Variants in RASAL2 observed in about 807,000 individuals in gnomAD.
The protein encoded by RASAL2 is RAS protein activator like 2.
RASAL2 carries 58 observed loss-of-function variants against 128.9 expected under a neutral mutation model. That is an observed-to-expected ratio of 0.45 (90% CI 0.36 to 0.56). RASAL2 has a LOEUF of 0.56. Among genes scored for constraint, RASAL2 ranks in the 20% least tolerant of loss-of-function variants. RASAL2 has a pLI of 0.00. For synonymous variants in RASAL2, 561 were observed against 580.8 expected (o/e 0.97, Z 0.49); for missense variants, 1,360 against 1,601.6 (o/e 0.85, Z 2.57).
chr1:178,260,246 G>A (rs1665610312), intron 1 of RASAL2, among the ~76,000 whole-genome samples: 1 of 148,484 alleles, frequency 6.7e-6, no homozygotes, highest in Non-Finnish European at 1.5e-5. Context: ...CCAGCCACTT[G>A]GGAGGCTGAG....
At chr1:178,389,547 C>T (rs1380023640) in intron 3 of RASAL2, among the ~76,000 whole-genome samples, 1 of 152,126 alleles carries the variant, frequency 6.6e-6, no homozygotes, top group East Asian at 1.9e-4. Context: ...CAAGGAGAAG[C>T]TGATCTATTT....
chr1:178,189,646 C>T (rs1043779397), intron 1 of RASAL2, among the ~76,000 whole-genome samples: 1 of 152,030 alleles, frequency 6.6e-6, no homozygotes, highest in African/African-American at 2.4e-5. Context: ...AGTAAATGAG[C>T]CAATAAGATA....
intron 1 of RASAL2, among the ~76,000 whole-genome samples, chr1:178,110,191 C>T (rs1030825542): frequency 6.6e-6 from 1 of 152,008 alleles, no homozygotes; most frequent in Non-Finnish European, 1.5e-5. Flanking sequence ...TTGTAATTCC[C>T]CCCTTTCCCC....
intron 1 of RASAL2, among the ~76,000 whole-genome samples, chr1:178,277,611 G>A (rs1666586983): frequency 6.6e-6 from 1 of 152,154 alleles, no homozygotes; most frequent in Non-Finnish European, 1.5e-5. Flanking sequence ...GGTTAGCTGT[G>A]GTGTGGAAAT....
At chr1:178,112,123 T>C (rs533977762) in intron 1 of RASAL2, among the ~76,000 whole-genome samples, 2 of 152,360 alleles carry the variant, frequency 1.3e-5, no homozygotes, top group South Asian at 4.1e-4. Flanking sequence ...TGATCTGTAA[T>C]TATTTTTTCC....
At chr1:178,284,693 A>C (rs1192710902) in intron 2 of RASAL2, among the ~76,000 whole-genome samples, 1 of 152,170 alleles carries the variant, frequency 6.6e-6, no homozygotes, top group Non-Finnish European at 1.5e-5. Flanking sequence ...TGGTATGATA[A>C]AACTACTCTG....
At chr1:178,203,160 A>G (rs1344745072) in intron 1 of RASAL2, among the ~76,000 whole-genome samples, 1 of 152,182 alleles carries the variant, frequency 6.6e-6, no homozygotes, top group Non-Finnish European at 1.5e-5. Context: ...TGCTTCTACC[A>G]AGACTACCAT....
At chr1:178,307,256 T>TA (rs1269323107) in intron 3 of RASAL2, among the ~76,000 whole-genome samples, 1 of 152,000 alleles carries the variant, frequency 6.6e-6, no homozygotes, top group African/African-American at 2.4e-5. Flanking sequence ...TATTTTTAAA[T>TA]AAAATATACT....
intron 1 of RASAL2, among the ~76,000 whole-genome samples, chr1:178,257,891 C>T (rs1665456141): frequency 6.7e-6 from 1 of 148,160 alleles, no homozygotes; most frequent in South Asian, 2.2e-4. Context: ...ATCTTAATGA[C>T]CTTGGATTGG....
intron 1 of RASAL2, among the ~76,000 whole-genome samples, chr1:178,136,756 CAAAAAAAA>C (rs397982072): frequency 1.5e-4 from 7 of 47,198 alleles, no homozygotes; most frequent in African/African-American, 2.0e-4. Context: ...GACTCTGTCT[CAAAAAAAA>C]AAAAAAAAAA....
chr1:178,395,777 A>G (rs1673178654), intron 4 of RASAL2, among the ~76,000 whole-genome samples: 1 of 146,260 alleles, frequency 6.8e-6, no homozygotes, highest in Non-Finnish European at 1.5e-5. Flanking sequence ...AACAGTATAT[A>G]TATATATATA....
chr1:178,186,887 A>G (rs1320652233), intron 1 of RASAL2, among the ~76,000 whole-genome samples: 1 of 151,802 alleles, frequency 6.6e-6, no homozygotes, highest in African/African-American at 2.4e-5. Context: ...ACAGTGGTAC[A>G]ATCATAGCTC....
At chr1:178,312,887 A>G (rs1668326284) in intron 3 of RASAL2, among the ~76,000 whole-genome samples, 1 of 152,232 alleles carries the variant, frequency 6.6e-6, no homozygotes, top group African/African-American at 2.4e-5. Context: ...AGCACTTTTT[A>G]TCATATTGGG....
chr1:178,169,768 A>G (rs527788695), intron 1 of RASAL2, among the ~76,000 whole-genome samples: 2 of 152,122 alleles, frequency 1.3e-5, no homozygotes, highest in South Asian at 4.1e-4. Context: ...AGGCTGTGGT[A>G]TTTAATTATG....
At chr1:178,340,371 A>ATAAC (rs1669807119) in intron 3 of RASAL2, among the ~76,000 whole-genome samples, 1 of 152,176 alleles carries the variant, frequency 6.6e-6, no homozygotes, top group African/African-American at 2.4e-5. Flanking sequence ...AACCTCAGCA[A>ATAAC]CTGAGCACCT....
intron 1 of RASAL2, among the ~76,000 whole-genome samples, chr1:178,156,426 C>T (rs1162946669): frequency 1.3e-5 from 2 of 152,088 alleles, no homozygotes; most frequent in Non-Finnish European, 2.9e-5. Flanking sequence ...TAATGGACTC[C>T]TTATAAACAG....
intron 2 of RASAL2, among the ~76,000 whole-genome samples, chr1:178,287,163 T>C (rs1194855689): frequency 6.6e-6 from 1 of 151,676 alleles, no homozygotes; most frequent in East Asian, 1.9e-4. Context: ...AAGTGATAGC[T>C]GAAGTGAATC....
At chr1:178,164,508 T>TGTGTGTGC (rs1553255568) in intron 1 of RASAL2, among the ~76,000 whole-genome samples, 1 of 94,078 alleles carries the variant, frequency 1.1e-5, no homozygotes, top group East Asian at 3.5e-4. Flanking sequence ...TGTGTGTGCG[T>TGTGTGTGC]GTGTGTGTGT....
At chr1:178,353,418 G>A (rs999623812) in intron 3 of RASAL2, among the ~76,000 whole-genome samples, 1 of 152,208 alleles carries the variant, frequency 6.6e-6, no homozygotes, top group African/African-American at 2.4e-5. Context: ...CATAACAAAA[G>A]TGACCTTTGC....
Sources: allele counts gnomAD v4.1 joint callset (sites outside exome capture counted in the v4.1 genomes callset), GRCh38; gene constraint gnomAD v4.1.1; transcripts MANE v1.5; gene names NCBI Gene and HGNC (gene_info 2026-07-23, HGNC 2026-07-21).